The following PTPRK variants were observed in gnomAD, a reference collection of about 807,000 sequenced individuals.
PTPRK encodes the protein receptor-type tyrosine-protein phosphatase kappa.
A neutral mutation model predicts 178.0 loss-of-function variants in PTPRK; 75 were observed. The observed-to-expected ratio is 0.42, with a 90% CI of 0.35 to 0.51. The LOEUF (loss-of-function observed/expected upper bound fraction) is 0.51. PTPRK is among the 20% of genes least tolerant of loss of function. The probability of loss-of-function intolerance (pLI) is 0.02; values close to 1 mark genes in which losing one functional copy is unlikely to be tolerated. For missense variants in PTPRK, 1,441 were observed against 1,797.8 expected (o/e 0.80, Z 3.59); for synonymous variants, 637 against 620.6 (o/e 1.03, Z -0.39).
chr6:128,256,596 C>T (rs749638714), intron 3 of PTPRK, among the ~76,000 whole-genome samples: 1 of 151,874 alleles, frequency 6.6e-6, no homozygotes, highest in Non-Finnish European at 1.5e-5. Flanking sequence ...TGCCACCACA[C>T]CTGGCTAATT....
At chr6:128,374,974 A>G (rs980547478) in intron 2 of PTPRK, among the ~76,000 whole-genome samples, 5 of 151,814 alleles carry the variant, frequency 3.3e-5, no homozygotes, top group Non-Finnish European at 5.9e-5. Context: ...CTATGCCTGG[A>G]ATGCTTTTCC....
intron 5 of PTPRK, among the ~76,000 whole-genome samples, chr6:128,236,737 C>T (rs975670958): frequency 2.6e-5 from 4 of 151,994 alleles, no homozygotes; most frequent in African/African-American, 9.7e-5. Flanking sequence ...TATTTTTAGT[C>T]TACTGACACT....
At chr6:127,982,810 G>A in intron 24 of PTPRK, 21 bp downstream of exon 24, 2 of 1,589,788 alleles carry the variant, frequency 1.3e-6, no homozygotes, top group Middle Eastern at 1.7e-4. Flanking sequence ...TCACAAAAGA[G>A]GTTTTAGAAA....
intron 3 of PTPRK, among the ~76,000 whole-genome samples, chr6:128,249,093 A>G (rs1459160922): frequency 1.3e-5 from 2 of 152,070 alleles, no homozygotes; most frequent in Admixed American, 1.3e-4. Context: ...TATGACTACA[A>G]TTTTCTCAGC....
intron 13 of PTPRK, among the ~76,000 whole-genome samples, chr6:128,014,513 T>C (rs1779385525): frequency 1.3e-5 from 2 of 151,612 alleles, no homozygotes; most frequent in Non-Finnish European, 3.0e-5. Flanking sequence ...AGTAACATAA[T>C]GGTGTGAAAG....
chr6:128,133,062 G>A (rs937640943), intron 7 of PTPRK, among the ~76,000 whole-genome samples: 20 of 152,232 alleles, frequency 1.3e-4, no homozygotes, highest in Admixed American at 2.6e-4. Context: ...AAAAAGATAC[G>A]TGCATGCTGA....
At chr6:128,472,379 C>A (rs965668138) in intron 1 of PTPRK, among the ~76,000 whole-genome samples, 21 of 151,308 alleles carry the variant, frequency 1.4e-4, no homozygotes, top group African/African-American at 4.9e-4. Flanking sequence ...TTTTTTGACA[C>A]CCTCCCCAAT....
intron 3 of PTPRK, among the ~76,000 whole-genome samples, chr6:128,319,341 T>C (rs555208360): frequency 5.9e-5 from 9 of 152,118 alleles, no homozygotes; most frequent in African/African-American, 1.2e-4. Context: ...CTAGCCTCCT[T>C]AAGAGCAGAG....
intron 7 of PTPRK, among the ~76,000 whole-genome samples, chr6:128,151,042 G>GT (rs1265136616): frequency 1.3e-5 from 2 of 151,652 alleles, no homozygotes; most frequent in Non-Finnish European, 2.9e-5. Context: ...GGAATATAAG[G>GT]TAAAAAAAAG....
chr6:128,293,663 G>C (rs1436313662), intron 3 of PTPRK, among the ~76,000 whole-genome samples: 1 of 152,016 alleles, frequency 6.6e-6, no homozygotes, highest in Non-Finnish European at 1.5e-5. Context: ...TAAAATTTTA[G>C]AGAATGCAAA....
intron 13 of PTPRK, among the ~76,000 whole-genome samples, chr6:128,042,735 G>T (rs536256687): frequency 2.0e-5 from 3 of 152,078 alleles, no homozygotes; most frequent in Non-Finnish European, 4.4e-5. Context: ...CATCTTTGTG[G>T]GGGGACATTA....
intron 6 of PTPRK, among the ~76,000 whole-genome samples, chr6:128,193,279 T>TAAAAAAAAAAAAAA (rs1554338433): frequency 5.2e-5 from 1 of 19,394 alleles, no homozygotes; most frequent in African/African-American, 1.6e-4. Flanking sequence ...ATCCAGCTTG[T>TAAAAAAAAAAAAAA]GAAAAAAAAA....
chr6:128,454,454 C>T (rs1423935096), intron 1 of PTPRK, among the ~76,000 whole-genome samples: 1 of 152,116 alleles, frequency 6.6e-6, no homozygotes, highest in Non-Finnish European at 1.5e-5. Flanking sequence ...CATCTTTTTG[C>T]TTTATCAATA....
Position 128,125,830 on chromosome 6 carries a change from G to A in PTPRK, c.1163-35838C>T, listed in dbSNP as rs546668195. Reference sequence around the variant, plus strand: ...TCACCATGCTGGCCAGGCTGGTCTCGAACCCCTGACCTCATGATCCACCCA... The same window carrying A: ...TCACCATGCTGGCCAGGCTGGTCTCAAACCCCTGACCTCATGATCCACCCA... On this transcript the variant is annotated intron_variant, in intron 7 of 29. Transcript: ENST00000368226. 4.1e-4 allele frequency among the ~76,000 whole-genome samples: 62 copies of A among 151,618 alleles called. 1 individual carries two copies. In the South Asian group the frequency reaches 4.6e-3, roughly 11 times the overall value.
At chr6:128,102,418 TAAGAC>T (rs1435480785) in intron 7 of PTPRK, among the ~76,000 whole-genome samples, 1 of 152,188 alleles carries the variant, frequency 6.6e-6, no homozygotes, top group African/African-American at 2.4e-5. Flanking sequence ...TTAAAAGTCT[TAAGAC>T]AGGAAAAATA....
chr6:128,327,168 T>A (rs952700094), intron 2 of PTPRK, among the ~76,000 whole-genome samples: 12 of 152,122 alleles, frequency 7.9e-5, no homozygotes, highest in Non-Finnish European at 1.6e-4. Context: ...TTTTATACAT[T>A]AATTATTTTT....
intron 17 of PTPRK, 142 bp downstream of exon 17, chr6:127,996,758 CT>C: frequency 8.9e-7 from 1 of 1,129,716 alleles, no homozygotes; most frequent in Non-Finnish European, 1.2e-6. Flanking sequence ...GGCATGAGCC[CT>C]CAAGCCTGAT....
intron 5 of PTPRK, 105 bp downstream of exon 5, chr6:128,239,930 C>T (rs535144243): frequency 9.9e-5 from 78 of 785,994 alleles, no homozygotes; most frequent in Admixed American, 1.8e-4. Context: ...CGTGTGCACA[C>T]GCACACACAC....
chr6:128,513,493 A>AAAAAAGAAAGAAAG (rs796327188), intron 1 of PTPRK, among the ~76,000 whole-genome samples: 1 of 150,244 alleles, frequency 6.7e-6, no homozygotes, highest in African/African-American at 2.5e-5. Flanking sequence ...CAAAAAAAAA[A>AAAAAAGAAAGAAAG]AAAGAAAGAA....
Sources: allele counts gnomAD v4.1 joint callset (sites outside exome capture counted in the v4.1 genomes callset), GRCh38; gene constraint gnomAD v4.1.1; transcripts MANE v1.5; gene names NCBI Gene and HGNC (gene_info 2026-07-23, HGNC 2026-07-21).